PCBP4: variants seen among roughly 807,000 people sequenced by gnomAD.
PCBP4 encodes poly(rC) binding protein 4.
Under a neutral mutation model 46.2 loss-of-function variants are expected in PCBP4, and 24 were observed. The ratio of observed to expected loss-of-function variants is 0.52; its 90% CI spans 0.38 to 0.73. The LOEUF (loss-of-function observed/expected upper bound fraction) is 0.73. PCBP4 is among the 30% of genes least tolerant of loss of function. The pLI is 0.00. For synonymous variants in PCBP4, 203 were observed against 224.4 expected (o/e 0.90, Z 0.85); for missense variants, 407 against 537.0 (o/e 0.76, Z 2.39).
chr3:51,962,380 CT>C (rs1700221856), intron 1 of PCBP4, among the ~76,000 whole-genome samples: 1 of 152,072 alleles, frequency 6.6e-6, no homozygotes, highest in South Asian at 2.1e-4. Flanking sequence ...CGACTTAATC[CT>C]CAACCTTAAT....
rs1699989213 is a variant in PCBP4 at position 51,958,992 on chromosome 3, G to A, written c.754-33C>T. On this transcript the variant is annotated intron_variant, in intron 12 of 13. Coordinates refer to ENST00000461554, the MANE Select transcript of PCBP4 (RefSeq NM_001174100.2). This position sits in a 1 kb window ranked among gnomAD's most constrained non-coding sequence, Gnocchi z 5.4. Reference sequence around the variant, plus strand: ...GAAGGCAGAATTCAGCCCTGGGTGAGGTCCAGACCCCCAGACCCCCTACCC... The same window carrying A: ...GAAGGCAGAATTCAGCCCTGGGTGAAGTCCAGACCCCCAGACCCCCTACCC... 6.2e-7 allele frequency: 1 copy of A among 1,613,470 alleles called. No individual in the cohort carries two copies. The highest frequency in any genetic ancestry group is 1.3e-5 in the African/African-American group (1 of 74,846).
intron 1 of PCBP4, chr3:51,963,063 T>C (rs570365787): frequency 6.6e-6 from 1 of 152,388 alleles, no homozygotes; most frequent in African/African-American, 2.4e-5. Context: ...AGGAGCCCCT[T>C]GGAGCAGGAG....
Position 51,961,180 on chromosome 3 carries a change from G to T in PCBP4, c.61C>A (p.Arg21=), listed in dbSNP as rs778090769. Residue 21 remains arginine, a synonymous_variant, in exon 3 of 14, where the codon CGG becomes AGG. Transcript: ENST00000461554. ...CTCACCTTCCCGTGCATCAGCATCC[G>T]CAGCGTGAGGGTGATGCTGAGCTCT... The part of the protein sequence containing the change: ...EPELSITLTL[R]MLMHGKEVGS... The T allele has an allele frequency of 6.2e-7, 1 of 1,613,516 alleles. No individual in the cohort carries two copies. The highest frequency in any genetic ancestry group is 2.2e-5 in the East Asian group (1 of 44,874).
chr3:51,959,823 G>C lies in PCBP4; in HGVS notation c.516+72C>G, dbSNP rs2271069. On this transcript the variant is annotated intron_variant, in intron 8 of 13. Transcript: ENST00000461554. This position sits in a 1 kb window ranked among gnomAD's most constrained non-coding sequence, Gnocchi z 5.6. ...TGCCCCACCTGCAGCACAGGCATAG[G>C]GTTTGGGGTCCCCGACAAGGCAGAC... 26,943 of 1,548,426 alleles carry C rather than the reference G, an allele frequency of 0.017. 547 individuals carry two copies. Among genetic ancestry groups the C allele is most frequent in the African/African-American group, 0.073 (5,352 of 73,154 alleles).
At chr3:51,961,726 TGGAG>T in intron 2 of PCBP4, 2 of 992,128 alleles carry the variant, frequency 2.0e-6, no homozygotes, top group South Asian at 4.6e-5. Flanking sequence ...GCCCTGAAGG[TGGAG>T]TTCAGGCTGA....
chr3:51,959,240 C>G lies in PCBP4; in HGVS notation c.689G>C (p.Ser230Thr), dbSNP rs764758290. 4 of 1,614,006 alleles carry G rather than the reference C, an allele frequency of 2.5e-6. No homozygotes were observed. The highest frequency in any genetic ancestry group is 4.5e-5 in the East Asian group (2 of 44,876). The stretch of plus-strand genomic sequence containing the variant: ...CAGGGGTGGCTTACCTGGCACCACG[C>G]TGGGTGTGGCAAAGGGGACCGCATG... ...SSHAVPFATP[S>T]VVPGLDPGTQ... The change falls in exon 11 of 14, where the codon AGC (serine) becomes ACC (threonine). Residue 230 changes from serine to threonine, a missense_variant. Ser to Thr is a moderately conservative substitution (Grantham distance 58). Coordinates refer to ENST00000461554, the MANE Select transcript of PCBP4 (RefSeq NM_001174100.2). This position sits in a 1 kb window ranked among gnomAD's most constrained non-coding sequence, Gnocchi z 5.6.
chr3:51,959,439 G>A lies in PCBP4; in HGVS notation c.592-28C>T. On this transcript the variant is annotated intron_variant, in intron 9 of 13. Transcript: ENST00000461554. This position sits in a 1 kb window ranked among gnomAD's most constrained non-coding sequence, Gnocchi z 5.6. ...GTGGGGACAAAGTGGATGAAAAGGG[G>A]GTTACTGTGACATTGCAGTTCAGCC... 6.3e-7 allele frequency: 1 copy of A among 1,589,908 alleles called. No individual in the cohort carries two copies. The highest frequency in any genetic ancestry group is 1.3e-5 in the African/African-American group (1 of 74,554).
At chr3:51,962,413 T>A (rs918465945) in intron 1 of PCBP4, among the ~76,000 whole-genome samples, 2 of 150,418 alleles carry the variant, frequency 1.3e-5, no homozygotes, top group African/African-American at 4.9e-5. Flanking sequence ...ATCCCTCTCC[T>A]TAGGCGTCTG....
rs768874667 is a variant in PCBP4 at position 51,958,063 on chromosome 3, A to G, written c.1210T>C (p.Ter404ArgextTer66). 6.5e-7 allele frequency: 1 copy of G among 1,545,616 alleles called. No individual in the cohort carries two copies. The highest frequency in any genetic ancestry group is 8.7e-7 in the Non-Finnish European group (1 of 1,147,478). Residue 404 changes from the stop codon to arginine, a stop_lost, in exon 14 of 14, where the codon TGA (stop) becomes CGA (arginine). Transcript: ENST00000461554. This position sits in a 1 kb window ranked among gnomAD's most constrained non-coding sequence, Gnocchi z 5.4. Reference protein sequence around the residue: ...KAERQKFSPY* With the variant: ...KAERQKFSPYR ...CCCTGCCTGTACCTCAGCTGGCCTC[A>G]GTAGGGGGAGAATTTCTGCCGCTCA...
At chr3:51,964,244 G>A (rs1250232319) in intron 1 of PCBP4, among the ~76,000 whole-genome samples, 1 of 152,078 alleles carries the variant, frequency 6.6e-6, no homozygotes, top group Non-Finnish European at 1.5e-5. Flanking sequence ...CCCCCTTCCT[G>A]CCCCTCCCCC....
In PCBP4 at chr3:51,959,104, G is replaced by C. The variant is rs1254366903; in HGVS notation, c.701-5C>G. On this transcript the variant is annotated splice_polypyrimidine_tract_variant and splice_region_variant and intron_variant, in intron 11 of 13. Transcript: ENST00000461554. The surrounding 1 kb of genome is among the most constrained non-coding windows in gnomAD (Gnocchi z 5.6). ...TCTGTGTGCCGGGATCCAGTCCTGA[G>C]GGGGAGAAGAGGGACTGAGTGTGGT... The C allele has an allele frequency of 1.9e-6, 3 of 1,613,740 alleles. No individual in the cohort carries two copies. The highest frequency in any genetic ancestry group is 2.2e-5 in the East Asian group (1 of 44,868).
chr3:51,958,669 G>T lies in PCBP4; in HGVS notation c.923+121C>A. The T allele has an allele frequency of 8.9e-7, 1 of 1,122,194 alleles. No homozygotes were observed. The highest frequency in any genetic ancestry group is 1.3e-6 in the Non-Finnish European group (1 of 795,842). The allele number at this position is 1,122,194 out of a possible 1,614,324, so 69.5% of individuals were successfully genotyped here. A position where few individuals can be genotyped will look rare whatever the true frequency, so the allele number is the denominator to read the frequency against. On this transcript the variant is annotated intron_variant, in intron 13 of 13. Transcript: ENST00000461554. The surrounding 1 kb of genome is among the most constrained non-coding windows in gnomAD (Gnocchi z 5.4). ...ACCATGGGGAATTGGAGTAGGGTTAGGAGAGGCAGAGGTCGGGCCCAGACA... is the reference window on the plus strand; with the variant it reads ...ACCATGGGGAATTGGAGTAGGGTTATGAGAGGCAGAGGTCGGGCCCAGACA...
At position 51,957,485 on chromosome 3, in the gene PCBP4, CAG is replaced by C. The variant is rs1383326503; in HGVS notation, c.*574_*575del. ...GTCGCTGAGAATATTTATTCAAAAA[CAG>C]GGATTGAAAAAACTGTACAGAGTGT... On this transcript the variant is annotated 3_prime_UTR_variant, in exon 14 of 14. Transcript: ENST00000461554. 10 of 167,046 alleles carry C rather than the reference CAG, an allele frequency of 6.0e-5. No homozygotes were observed. In the Admixed American group the frequency reaches 6.5e-4, roughly 11 times the overall value. 10.3% of individuals were successfully genotyped at this position (167,046 alleles called of 1,614,324 possible).
Position 51,960,087 on chromosome 3 carries a change from C to T in PCBP4, c.388-64G>A. Reference sequence around the variant, plus strand: ...ATAACCCAGAAAAGGGCTGCCCAGGCTCAGAGCTCTCTAGGTGGGGAGGAC... The same window carrying T: ...ATAACCCAGAAAAGGGCTGCCCAGGTTCAGAGCTCTCTAGGTGGGGAGGAC... On this transcript the variant is annotated intron_variant, in intron 7 of 13. Coordinates refer to ENST00000461554, the MANE Select transcript of PCBP4 (RefSeq NM_001174100.2). This position sits in a 1 kb window ranked among gnomAD's most constrained non-coding sequence, Gnocchi z 5.0. 2 of 1,614,184 alleles carry T rather than the reference C, an allele frequency of 1.2e-6. No individual in the cohort carries two copies. Among genetic ancestry groups the T allele is most frequent in the Non-Finnish European group, 8.5e-7 (1 of 1,179,984 alleles).
At position 51,960,263 on chromosome 3, in the gene PCBP4, G is replaced by A. The variant is rs1402625187; in HGVS notation, c.313C>T (p.Arg105Cys). 1.9e-5 allele frequency: 30 copies of A among 1,613,972 alleles called. No individual in the cohort carries two copies. The highest frequency in any genetic ancestry group is 2.7e-5 in the African/African-American group (2 of 74,942). ...CACTGACTGGCAGGGATGACAAGGC[G>A]CAGGGTCACTGGAGGCCTGGAGACA... ...GNVSRPPVTL[R>C]LVIPASQCGS... Residue 105 changes from arginine (R) to cysteine (C), a missense_variant, in exon 7 of 14, where the codon CGC becomes TGC. Arg to Cys is a radical substitution (Grantham distance 180). Transcript: ENST00000461554. This position sits in a 1 kb window ranked among gnomAD's most constrained non-coding sequence, Gnocchi z 5.0.
chr3:51,958,264 C>A lies in PCBP4; in HGVS notation c.1009G>T (p.Ala337Ser). The change falls in exon 14 of 14, where the codon GCC (alanine) becomes TCC (serine). Residue 337 changes from alanine to serine, a missense_variant. Coordinates refer to ENST00000461554, the MANE Select transcript of PCBP4 (RefSeq NM_001174100.2). This position sits in a 1 kb window ranked among gnomAD's most constrained non-coding sequence, Gnocchi z 5.4. ...LPAPFSPPLT[A>S]LPTAPPGLLG... ...AGGCCAGGGGGAGCTGTGGGCAGGG[C>A]CGTCAGGGGTGGCGAGAAGGGGGCA... 2 of 1,586,872 alleles carry A rather than the reference C, an allele frequency of 1.3e-6. No homozygotes were observed. The highest frequency in any genetic ancestry group is 8.6e-7 in the Non-Finnish European group (1 of 1,168,024).
chr3:51,958,052 CA>C lies in PCBP4; in HGVS notation c.*8del, dbSNP rs1699904934. 2.6e-6 allele frequency: 4 copies of C among 1,536,180 alleles called. No individual in the cohort carries two copies. Among genetic ancestry groups the C allele is most frequent in the Non-Finnish European group, 3.5e-6 (4 of 1,142,870 alleles). ...GTCCTGCCTGCCCCTGCCTGTACCTCAGCTGGCCTCAGTAGGGGGAGAATTT... is the reference window on the plus strand; with the variant it reads ...GTCCTGCCTGCCCCTGCCTGTACCTCGCTGGCCTCAGTAGGGGGAGAATTT... On this transcript the variant is annotated 3_prime_UTR_variant, in exon 14 of 14. Transcript: ENST00000461554. The surrounding 1 kb of genome is among the most constrained non-coding windows in gnomAD (Gnocchi z 5.4).
At position 51,958,301 on chromosome 3, in the gene PCBP4, G is replaced by A. The variant is rs199516994; in HGVS notation, c.972C>T (p.Pro324=). ...GCGAGAAGGGGGCAGGCAGGTCTGC[G>A]GGGGCCGAGCTGGGCGTCCCCCCAG... ...STSGGTPSSA[P]ADLPAPFSPP... is the part of the protein sequence containing the mutation. Residue 324 remains proline (P), a synonymous_variant, in exon 14 of 14, where the codon CCC becomes CCT. Transcript: ENST00000461554. The surrounding 1 kb of genome is among the most constrained non-coding windows in gnomAD (Gnocchi z 5.4). 8.3e-5 allele frequency: 128 copies of A among 1,543,592 alleles called. No homozygotes were observed. The highest frequency in any genetic ancestry group is 1.0e-4 in the Non-Finnish European group (120 of 1,146,714).
chr3:51,957,823 G>A lies in PCBP4; in HGVS notation c.*238C>T. On this transcript the variant is annotated 3_prime_UTR_variant, in exon 14 of 14. Transcript: ENST00000461554. ...GCTGCTCCCTGTATCCAAGCACAGA[G>A]CTGAGGAGGTAGGGCCCCCTGCCCT... is the stretch of plus-strand genomic sequence containing the variant. 2.5e-6 allele frequency: 1 copy of A among 395,492 alleles called. No individual in the cohort carries two copies. Among genetic ancestry groups the A allele is most frequent in the Non-Finnish European group, 4.5e-6 (1 of 220,150 alleles). 24.5% of individuals were successfully genotyped at this position (395,492 alleles called of 1,614,324 possible). A position where few individuals can be genotyped will look rare whatever the true frequency, so the allele number is the denominator to read the frequency against.
Sources: gnomAD v4.1 joint callset for allele counts (sites outside exome capture counted in the v4.1 genomes callset) on GRCh38, gnomAD v4.1.1 for gene constraint, Gnocchi (gnomAD v3.1) non-coding constraint, MANE v1.5 for transcripts, NCBI Gene and HGNC (gene_info 2026-07-23, HGNC 2026-07-21) for gene names.